UPRT: variants seen among roughly 807,000 people sequenced by gnomAD.
UPRT encodes RP11-311P8.3.
UPRT carries 5 observed loss-of-function variants against 22.6 expected under a neutral mutation model. The ratio of observed to expected loss-of-function variants is 0.22; its 90% CI spans 0.12 to 0.47. The LOEUF is 0.47. Among genes scored for constraint, UPRT ranks in the 20% least tolerant of loss-of-function variants. UPRT has a pLI of 0.99. For synonymous variants in UPRT, 77 were observed against 87.7 expected (o/e 0.88, Z 0.68); for missense variants, 181 against 239.9 (o/e 0.75, Z 1.62).
upstream of UPRT, among the ~76,000 whole-genome samples, chrX:75,272,143 A>T (rs181084274): frequency 1.0e-3 from 111 of 108,615 alleles, no homozygotes; most frequent in Non-Finnish European, 1.8e-3. Flanking sequence ...ATCTACCCAG[A>T]GGAAAAGAAG....
At chrX:75,298,974 T>C (rs2082735402) in intron 4 of UPRT, among the ~76,000 whole-genome samples, 1 of 112,835 alleles carries the variant, frequency 8.9e-6, no homozygotes, top group African/African-American at 3.2e-5. Flanking sequence ...AGTGATATAG[T>C]TTCCTCTTAA....
At chrX:75,278,321 A>G (rs1042809116) in intron 1 of UPRT, among the ~76,000 whole-genome samples, 9 of 112,134 alleles carry the variant, frequency 8.0e-5, no homozygotes, top group African/African-American at 1.6e-4. Context: ...GAAATGTGCA[A>G]TATTTGAAAC....
chrX:75,262,856 G>A (rs1429442708), intron 4 of UPRT, among the ~76,000 whole-genome samples: 3 of 111,107 alleles, frequency 2.7e-5, no homozygotes, highest in Non-Finnish European at 5.7e-5. Context: ...AAAAATAGTG[G>A]GAGACTTTAA....
At chrX:75,279,695 C>T (rs1462506931) in intron 1 of UPRT, among the ~76,000 whole-genome samples, 5 of 111,013 alleles carry the variant, frequency 4.5e-5, no homozygotes, top group Non-Finnish European at 5.7e-5. Flanking sequence ...TATTTGATTA[C>T]ATGAGTAAGT....
At chrX:75,229,254 A>G (rs1460244425) in intron 4 of UPRT, among the ~76,000 whole-genome samples, 2 of 112,059 alleles carry the variant, frequency 1.8e-5, no homozygotes, top group African/African-American at 6.5e-5. Flanking sequence ...TATGTATGTC[A>G]AATCATCGTG....
chrX:75,257,963 C>T (rs1030174424), intron 4 of UPRT, among the ~76,000 whole-genome samples: 2 of 110,617 alleles, frequency 1.8e-5, no homozygotes, highest in Non-Finnish European at 3.8e-5. Context: ...TGAGGCGTCA[C>T]CTCACCCAGG....
chrX:75,258,197 T>TC (rs1399553649), intron 4 of UPRT, among the ~76,000 whole-genome samples: 2 of 104,302 alleles, frequency 1.9e-5, no homozygotes. Flanking sequence ...GCAGGTGTTT[T>TC]TTTTTTTTTT....
chrX:75,221,036 C>T (rs1379424435), intron 4 of UPRT, among the ~76,000 whole-genome samples: 1 of 111,437 alleles, frequency 9.0e-6, no homozygotes, highest in Non-Finnish European at 1.9e-5. Context: ...TTTCATTTGT[C>T]TAGGAAAGTA....
In UPRT at chrX:75,304,420, G is replaced by C. The variant is rs2082755561; in HGVS notation, c.*909G>C. 9.0e-6 allele frequency: 1 copy of C among 111,145 alleles called. No homozygotes were observed. Among genetic ancestry groups the C allele is most frequent in the South Asian group, 3.8e-4 (1 of 2,616 alleles). The allele number at this position is 111,145 out of a possible 1,213,427, so 9.2% of individuals were successfully genotyped here. Reference sequence around the variant, plus strand: ...TAGTTATTTTGCATGTTTGTCAACTGTATATGTATGAAAATAGAAAAAAAC... The same window carrying C: ...TAGTTATTTTGCATGTTTGTCAACTCTATATGTATGAAAATAGAAAAAAAC... On this transcript the variant is annotated 3_prime_UTR_variant, in exon 7 of 7. Coordinates refer to ENST00000373383, the MANE Select transcript of UPRT (RefSeq NM_145052.4).
intron 1 of UPRT, among the ~76,000 whole-genome samples, chrX:75,283,662 A>T (rs1343848126): frequency 9.0e-6 from 1 of 111,578 alleles, no homozygotes; most frequent in Non-Finnish European, 1.9e-5. Context: ...CTGCTGACAA[A>T]TCTGCTGTTA....
chrX:75,274,775 GGTGTGTGTGTGTGTGTGTGTGTGTGTGT>G (rs201034223), intron 1 of UPRT, 135 bp downstream of exon 1: 4 of 369,656 alleles, frequency 1.1e-5, no homozygotes, highest in Non-Finnish European at 1.3e-5. Flanking sequence ...CCTTTTATTT[GGTGTGTGTGTGTGTGTGTGTGTGTGTGT>G]GTGTGTGTGT....
chrX:75,268,269 G>A (rs1380984278), intron 4 of UPRT, among the ~76,000 whole-genome samples: 1 of 111,041 alleles, frequency 9.0e-6, no homozygotes, highest in Non-Finnish European at 1.9e-5. Context: ...GTAATTAATA[G>A]CCTACCAACA....
In UPRT at chrX:75,180,238, C is replaced by T. The variant is rs1180198547; in HGVS notation, c.-447+12359C>T. Among the ~76,000 whole-genome samples the T allele has an allele frequency of 3.6e-5, 4 of 112,364 alleles. 1 individual carries two copies. The highest frequency in any genetic ancestry group is 1.9e-5 in the Non-Finnish European group (1 of 53,268). On this transcript the variant is annotated intron_variant, in intron 4 of 13. Coordinates refer to the UPRT transcript ENST00000652605. ...TTTTCCCAGTTCCTCTGTCAGCCCT[C>T]CCCAAGAACCTCTGTGAGACAAGTC...
intron 4 of UPRT, among the ~76,000 whole-genome samples, chrX:75,214,464 C>T (rs2082387464): frequency 8.9e-6 from 1 of 112,648 alleles, no homozygotes; most frequent in African/African-American, 3.2e-5. Context: ...AAACTCATAG[C>T]AGCAGAGAGT....
rs759953182 is a variant in UPRT, at chrX:75,304,183, A to G, written c.*672A>G. 4.5e-5 allele frequency: 5 copies of G among 111,538 alleles called. No individual in the cohort carries two copies. Among genetic ancestry groups the G allele is most frequent in the Non-Finnish European group, 9.4e-5 (5 of 53,188 alleles). 9.2% of individuals were successfully genotyped at this position (111,538 alleles called of 1,213,427 possible). On this transcript the variant is annotated 3_prime_UTR_variant, in exon 7 of 7. Transcript: ENST00000373383. Reference sequence around the variant, plus strand: ...CATTTTTAGTAATTGGAACTGTAACATTAATTTACAAGATTGAACCGGGGA... The same window carrying G: ...CATTTTTAGTAATTGGAACTGTAACGTTAATTTACAAGATTGAACCGGGGA...
At chrX:75,214,924 C>A (rs1337509211) in intron 4 of UPRT, among the ~76,000 whole-genome samples, 1 of 107,219 alleles carries the variant, frequency 9.3e-6, no homozygotes, top group Non-Finnish European at 1.9e-5. Flanking sequence ...AAAAAATTTG[C>A]CAAGAAGGTA....
chrX:75,274,003 C>T, upstream of UPRT: 1 of 366,900 alleles, frequency 2.7e-6, no homozygotes, highest in South Asian at 7.8e-5. Context: ...GGTTAACAAG[C>T]AGTGGCGCCG....
At chrX:75,272,350 A>ATATATGTGTATATATATATATG (rs2082613288), upstream of UPRT, among the ~76,000 whole-genome samples, 1 of 86,252 alleles carries the variant, frequency 1.2e-5, no homozygotes, top group African/African-American at 5.2e-5. Flanking sequence ...ATATACACAT[A>ATATATGTGTATATATATATATG]TATATATGTG....
intron 4 of UPRT, among the ~76,000 whole-genome samples, chrX:75,232,322 CA>C (rs1569270145): frequency 8.9e-6 from 1 of 112,568 alleles, no homozygotes; most frequent in Non-Finnish European, 1.9e-5. Context: ...GCTAGCACAG[CA>C]GTCTGAGATC....
Sources: gnomAD v4.1 joint callset for allele counts (sites outside exome capture counted in the v4.1 genomes callset) on GRCh38, gnomAD v4.1.1 for gene constraint, MANE v1.5 for transcripts, NCBI Gene and HGNC (gene_info 2026-07-23, HGNC 2026-07-21) for gene names.